DZIP3: variants seen among roughly 807,000 people sequenced by gnomAD.
DZIP3 encodes DAZ interacting zinc finger protein 3.
A neutral mutation model predicts 162.0 loss-of-function variants in DZIP3; 118 were observed. The ratio of observed to expected loss-of-function variants is 0.73; its 90% CI spans 0.63 to 0.85. The LOEUF is 0.85. Among genes scored for constraint, DZIP3 ranks in the 40% least tolerant of loss-of-function variants. The pLI, the probability that DZIP3 is intolerant of heterozygous loss-of-function variation, is 0.00. For synonymous variants in DZIP3, 438 were observed against 458.6 expected (o/e 0.96, Z 0.57); for missense variants, 1,331 against 1,407.0 (o/e 0.95, Z 0.86).
intron 14 of DZIP3, 135 bp from the exon 15 acceptor site, chr3:108,646,482 G>A (rs973366135): frequency 1.5e-6 from 1 of 681,886 alleles, no homozygotes; most frequent in Non-Finnish European, 2.6e-6. Flanking sequence ...GGATTGATGA[G>A]CAAAGCTGGT....
At chr3:108,655,617 G>A (rs1203524569) in intron 19 of DZIP3, among the ~76,000 whole-genome samples, 1 of 152,066 alleles carries the variant, frequency 6.6e-6, no homozygotes, top group Non-Finnish European at 1.5e-5. Flanking sequence ...AAGGTACTGG[G>A]TTCATCTCAC....
Position 108,637,497 on chromosome 3 carries a change from T to C in DZIP3, c.1013T>C (p.Phe338Ser). The part of the protein sequence containing the change: ...CDVPGIVKIL[F>S]EVVRKDEYIT... ...ATTTTTTTTCCCCATTACTTGCAGT[T>C]TGAAGTTGTGAGAAAGGATGAATAT... The change falls in exon 12 of 33, where the codon TTT (phenylalanine) becomes TCT (serine). Residue 338 changes from phenylalanine to serine, a missense_variant and splice_region_variant. Coordinates refer to ENST00000361582, the MANE Select transcript of DZIP3 (RefSeq NM_014648.4). The C allele has an allele frequency of 1.2e-6, 2 of 1,610,568 alleles. No homozygotes were observed. The highest frequency in any genetic ancestry group is 1.7e-6 in the Non-Finnish European group (2 of 1,178,738).
intron 19 of DZIP3, among the ~76,000 whole-genome samples, chr3:108,657,292 G>A (rs550098638): frequency 2.0e-5 from 3 of 152,050 alleles, no homozygotes; most frequent in African/African-American, 7.3e-5. Context: ...CTGATCTCTT[G>A]GCAGAAACTC....
chr3:108,602,950 C>T (rs1027488267), intron 1 of DZIP3: 6 of 151,948 alleles, frequency 3.9e-5, no homozygotes, highest in African/African-American at 1.2e-4. Context: ...CCTTTCTTAA[C>T]TCTGTTAATT....
At chr3:108,685,694 C>A (rs184226669) in intron 27 of DZIP3, among the ~76,000 whole-genome samples, 3 of 152,184 alleles carry the variant, frequency 2.0e-5, no homozygotes, top group East Asian at 1.9e-4. Context: ...TAGTAGTATT[C>A]CCATCTTTAT....
chr3:108,646,532 A>G (rs1942628211), intron 14 of DZIP3, 85 bp from the exon 15 acceptor site: 1 of 960,782 alleles, frequency 1.0e-6, no homozygotes, highest in East Asian at 2.5e-5. Flanking sequence ...GGTGCAATAT[A>G]AAAATATTCT....
At chr3:108,591,600 A>T (rs1939423780) in intron 1 of DZIP3, among the ~76,000 whole-genome samples, 1 of 152,248 alleles carries the variant, frequency 6.6e-6, no homozygotes, top group African/African-American at 2.4e-5. Flanking sequence ...AGTAAGAGGG[A>T]TCGTTTCTAG....
Position 108,631,043 on chromosome 3 carries a change from A to T in DZIP3, c.696+1867A>T, listed in dbSNP as rs74868367. On this transcript the variant is annotated intron_variant, in intron 8 of 32. Coordinates refer to ENST00000361582, the MANE Select transcript of DZIP3 (RefSeq NM_014648.4). ...CACACACACACACACACACACACAC[A>T]CACACACACACACTCTCTCTCTCTC... is the stretch of plus-strand genomic sequence containing the variant. 1.3e-3 allele frequency among the ~76,000 whole-genome samples: 121 copies of T among 90,202 alleles called. 1 individual carries two copies. The highest frequency in any genetic ancestry group is 4.5e-3 in the African/African-American group (89 of 19,664). 59.2% of individuals were successfully genotyped at this position (90,202 alleles called of 152,430 possible). A position where few individuals can be genotyped will look rare whatever the true frequency, so the allele number is the denominator to read the frequency against.
At chr3:108,685,502 A>T (rs1944465979) in intron 27 of DZIP3, among the ~76,000 whole-genome samples, 1 of 152,146 alleles carries the variant, frequency 6.6e-6, no homozygotes, top group Non-Finnish European at 1.5e-5. Flanking sequence ...AAGTGGTCAT[A>T]ATTATCTTAG....
intron 8 of DZIP3, among the ~76,000 whole-genome samples, chr3:108,631,778 T>A (rs1941902797): frequency 6.6e-6 from 1 of 151,554 alleles, no homozygotes; most frequent in Non-Finnish European, 1.5e-5. Context: ...GTATTTGACC[T>A]GTTTTATTTT....
At chr3:108,644,039 C>T in intron 13 of DZIP3, 125 bp from the exon 14 acceptor site, 1 of 1,219,750 alleles carries the variant, frequency 8.2e-7, no homozygotes, top group South Asian at 1.6e-5. Flanking sequence ...TGGCAAAGCA[C>T]TGTACTATCC....
chr3:108,648,226 T>C (rs1441940036), intron 16 of DZIP3, 114 bp downstream of exon 16: 1 of 1,007,564 alleles, frequency 9.9e-7, no homozygotes, highest in Non-Finnish European at 1.4e-6. Context: ...TTCATAGTGT[T>C]TATACAGAGC....
At chr3:108,631,315 A>C (rs1941876426) in intron 8 of DZIP3, among the ~76,000 whole-genome samples, 1 of 151,570 alleles carries the variant, frequency 6.6e-6, no homozygotes. Context: ...ATTTTTTGAG[A>C]CCTTTCAAGT....
chr3:108,605,265 GTTC>G (rs1940273584), intron 1 of DZIP3, 67 bp from the exon 2 acceptor site: 1 of 1,126,376 alleles, frequency 8.9e-7, no homozygotes, highest in Non-Finnish European at 1.3e-6. Flanking sequence ...AAATGATCAC[GTTC>G]TGTTTTCATA....
intron 19 of DZIP3, among the ~76,000 whole-genome samples, chr3:108,660,469 C>T (rs1438343086): frequency 6.6e-6 from 1 of 152,126 alleles, no homozygotes; most frequent in Non-Finnish European, 1.5e-5. Flanking sequence ...CTTCCTTACA[C>T]CTTGTACAAA....
intron 1 of DZIP3, among the ~76,000 whole-genome samples, chr3:108,603,467 A>AT (rs1335669944): frequency 6.6e-6 from 1 of 152,208 alleles, no homozygotes. Flanking sequence ...TTGAACAGAG[A>AT]ATACAAATTA....
At chr3:108,663,942 G>C (rs1376862830) in intron 21 of DZIP3, among the ~76,000 whole-genome samples, 1 of 152,130 alleles carries the variant, frequency 6.6e-6, no homozygotes, top group African/African-American at 2.4e-5. Flanking sequence ...AGATTAACAT[G>C]TAAGGATAAA....
intron 28 of DZIP3, among the ~76,000 whole-genome samples, chr3:108,686,906 C>T (rs957373707): frequency 5.9e-5 from 9 of 152,136 alleles, no homozygotes; most frequent in African/African-American, 1.9e-4. Flanking sequence ...CTTAACCTAT[C>T]TCCAAAGTGA....
chr3:108,661,149 G>T (rs1477593165), intron 19 of DZIP3, among the ~76,000 whole-genome samples: 1 of 152,128 alleles, frequency 6.6e-6, no homozygotes, highest in Non-Finnish European at 1.5e-5. Flanking sequence ...ATACCCAAAG[G>T]ATTATAAATC....
Sources: allele counts gnomAD v4.1 joint callset (sites outside exome capture counted in the v4.1 genomes callset), GRCh38; gene constraint gnomAD v4.1.1; transcripts MANE v1.5; gene names NCBI Gene and HGNC (gene_info 2026-07-23, HGNC 2026-07-21).